ZFAND3: variants seen among roughly 807,000 people sequenced by gnomAD.
ZFAND3 encodes AN1-type zinc finger protein 3.
In ZFAND3, 10 loss-of-function variants were observed where a neutral mutation model predicts 29.6. The observed-to-expected ratio is 0.34, with a 90% CI of 0.21 to 0.57. The LOEUF (loss-of-function observed/expected upper bound fraction) is 0.57. ZFAND3 is among the 20% of genes least tolerant of loss of function. The probability of loss-of-function intolerance (pLI) is 0.86; values close to 1 mark genes in which losing one functional copy is unlikely to be tolerated. For synonymous variants in ZFAND3, 128 were observed against 112.6 expected, an observed-to-expected ratio of 1.14 and a Z score of -0.87; for missense variants, 230 against 304.5, an observed-to-expected ratio of 0.76 and a Z score of 1.82.
intron 2 of ZFAND3, among the ~76,000 whole-genome samples, chr6:37,936,721 G>T (rs1761705238): frequency 6.6e-6 from 1 of 152,166 alleles, no homozygotes; most frequent in Admixed American, 6.5e-5. Context: ...AATTTTGTCT[G>T]TGTTTTCAGA....
chr6:37,879,820 C>T (rs1002529911), intron 1 of ZFAND3, among the ~76,000 whole-genome samples: 4 of 152,176 alleles, frequency 2.6e-5, no homozygotes, highest in African/African-American at 9.7e-5. Flanking sequence ...TTCTTTTGAA[C>T]TGAATACTGC....
At chr6:38,121,095 T>A (rs1765524961) in intron 5 of ZFAND3, among the ~76,000 whole-genome samples, 1 of 152,240 alleles carries the variant, frequency 6.6e-6, no homozygotes. Context: ...GGCTCATGCC[T>A]GTAATCCCAA....
intron 3 of ZFAND3, among the ~76,000 whole-genome samples, 193 bp downstream of exon 3, chr6:38,061,968 C>A (rs1177678101): frequency 4.6e-5 from 7 of 152,212 alleles, no homozygotes. Context: ...TTTATACCGT[C>A]AAAGTACATG....
chr6:37,955,149 T>TTGTGTGTG (rs3047089), intron 2 of ZFAND3, among the ~76,000 whole-genome samples: 1,836 of 148,926 alleles, frequency 0.012, 14 homozygotes, highest in Non-Finnish European at 0.013. Flanking sequence ...CAACCAATTT[T>TTGTGTGTG]TGTGTGTGTG....
chr6:37,912,382 G>A (rs1003737392), intron 1 of ZFAND3, among the ~76,000 whole-genome samples: 1 of 152,158 alleles, frequency 6.6e-6, no homozygotes, highest in Admixed American at 6.5e-5. Context: ...ATACCTGATG[G>A]TTCAGGAAAG....
chr6:37,826,033 G>C (rs997957804), intron 1 of ZFAND3, among the ~76,000 whole-genome samples: 3 of 152,134 alleles, frequency 2.0e-5, no homozygotes, highest in Admixed American at 1.3e-4. Context: ...GCCTGGGACT[G>C]GCAGGCTGCA....
intron 1 of ZFAND3, among the ~76,000 whole-genome samples, chr6:37,919,707 T>G (rs1340102639): frequency 2.0e-5 from 3 of 152,258 alleles, no homozygotes; most frequent in African/African-American, 7.2e-5. Flanking sequence ...CTAGAAGATC[T>G]TCAGAGGCCT....
intron 1 of ZFAND3, among the ~76,000 whole-genome samples, chr6:37,867,890 G>T (rs1734364333): frequency 6.6e-6 from 1 of 152,158 alleles, no homozygotes; most frequent in South Asian, 2.1e-4. Context: ...TCTTACTTGA[G>T]TATATGATTT....
At chr6:37,970,822 G>T (rs1157408078) in intron 2 of ZFAND3, among the ~76,000 whole-genome samples, 2 of 152,108 alleles carry the variant, frequency 1.3e-5, no homozygotes, top group South Asian at 4.1e-4. Flanking sequence ...GGAGAATGGC[G>T]TGAACCGTGG....
At chr6:37,842,367 A>G (rs1209283476) in intron 1 of ZFAND3, among the ~76,000 whole-genome samples, 1 of 151,976 alleles carries the variant, frequency 6.6e-6, no homozygotes, top group African/African-American at 2.4e-5. Flanking sequence ...TTTTTTCCCC[A>G]TCATAGATTA....
chr6:38,128,601 G>A (rs955409658), intron 5 of ZFAND3, among the ~76,000 whole-genome samples: 1 of 152,064 alleles, frequency 6.6e-6, no homozygotes, highest in Non-Finnish European at 1.5e-5. Flanking sequence ...TTCCATTCCT[G>A]AGTTACTTCA....
At chr6:37,877,489 A>G (rs1764814512) in intron 1 of ZFAND3, among the ~76,000 whole-genome samples, 1 of 152,186 alleles carries the variant, frequency 6.6e-6, no homozygotes, top group Non-Finnish European at 1.5e-5. Flanking sequence ...AGAAGTAGTC[A>G]GTTTGGGGCT....
intron 2 of ZFAND3, among the ~76,000 whole-genome samples, chr6:37,938,779 T>A (rs985622936): frequency 1.3e-5 from 2 of 152,284 alleles, no homozygotes; most frequent in Non-Finnish European, 2.9e-5. Flanking sequence ...GATGATGATG[T>A]TATGGAAATT....
intron 2 of ZFAND3, among the ~76,000 whole-genome samples, chr6:38,036,839 C>T (rs1763667639): frequency 6.6e-6 from 1 of 152,046 alleles, no homozygotes; most frequent in South Asian, 2.1e-4. Flanking sequence ...GTCTCAAACC[C>T]CTGGTCTGAA....
At chr6:37,985,505 A>ACG (rs1561956574) in intron 2 of ZFAND3, among the ~76,000 whole-genome samples, 1 of 148,634 alleles carries the variant, frequency 6.7e-6, no homozygotes, top group Non-Finnish European at 1.5e-5. Context: ...GGTTCCACAC[A>ACG]CACACACACA....
chr6:37,825,351 G>A (rs1048658589), intron 1 of ZFAND3, among the ~76,000 whole-genome samples: 42 of 152,154 alleles, frequency 2.8e-4, no homozygotes, highest in Non-Finnish European at 1.9e-4. Flanking sequence ...TGCTTGTGGA[G>A]TTTTACTTTG....
At chr6:37,866,943 C>T (rs1308016856) in intron 1 of ZFAND3, among the ~76,000 whole-genome samples, 1 of 152,182 alleles carries the variant, frequency 6.6e-6, no homozygotes, top group Non-Finnish European at 1.5e-5. Context: ...GATGCTCACA[C>T]AGAAGGCAAC....
intron 2 of ZFAND3, among the ~76,000 whole-genome samples, chr6:37,982,498 C>T (rs1762596929): frequency 6.6e-6 from 1 of 152,036 alleles, no homozygotes; most frequent in South Asian, 2.1e-4. Flanking sequence ...AACAGTGGTC[C>T]CATAAAATTA....
At chr6:38,029,080 C>G (rs1763501761) in intron 2 of ZFAND3, among the ~76,000 whole-genome samples, 1 of 152,190 alleles carries the variant, frequency 6.6e-6, no homozygotes, top group Non-Finnish European at 1.5e-5. Context: ...CAGTCTTGGG[C>G]ATGCACAGCT....
Sources: allele counts gnomAD v4.1 joint callset (sites outside exome capture counted in the v4.1 genomes callset), GRCh38; gene constraint gnomAD v4.1.1; transcripts MANE v1.5; gene names NCBI Gene and HGNC (gene_info 2026-07-23, HGNC 2026-07-21).